SLIT3: variants seen among roughly 807,000 people sequenced by gnomAD.
The protein encoded by SLIT3 is slit homolog 3 protein.
In SLIT3, 68 loss-of-function variants were observed where a neutral mutation model predicts 184.0. The observed-to-expected ratio is 0.37, with a 90% CI of 0.30 to 0.45. The LOEUF is 0.45. Among genes scored for constraint, SLIT3 ranks in the 20% least tolerant of loss-of-function variants. The pLI, the probability that SLIT3 is intolerant of heterozygous loss-of-function variation, is 1.00. For synonymous variants in SLIT3, 831 were observed against 828.6 expected (o/e 1.00, Z -0.05); for missense variants, 1,707 against 2,026.0 (o/e 0.84, Z 3.02).
At chr5:168,701,518 G>A (rs1179724152) in intron 26 of SLIT3, among the ~76,000 whole-genome samples, 1 of 152,224 alleles carries the variant, frequency 6.6e-6, no homozygotes. Context: ...AAGGTGGGGA[G>A]AGGAGCGTGC....
At chr5:169,196,321 G>C (rs931663394) in intron 3 of SLIT3, among the ~76,000 whole-genome samples, 11 of 152,310 alleles carry the variant, frequency 7.2e-5, no homozygotes, top group African/African-American at 1.9e-4. Flanking sequence ...CTGGGCACAG[G>C]TCTGGCTATA....
At position 169,241,758 on chromosome 5, in the gene SLIT3, C is replaced by T. The variant is rs1765410615; in HGVS notation, c.341+2947G>A. Among the ~76,000 whole-genome samples, 2 of 152,074 alleles carry T rather than the reference C, an allele frequency of 1.3e-5. 1 individual carries two copies. The highest frequency in any genetic ancestry group is 4.1e-4 in the South Asian group (2 of 4,826). On this transcript the variant is annotated intron_variant, in intron 3 of 35. Coordinates refer to ENST00000519560, the MANE Select transcript of SLIT3 (RefSeq NM_003062.4). ...AAAACAGGGAATTAAAATATGGTGT[C>T]ATAAGTGGTGTGATAGGAAGACACC...
At chr5:169,185,969 T>C (rs1392654775) in intron 4 of SLIT3, among the ~76,000 whole-genome samples, 3 of 152,276 alleles carry the variant, frequency 2.0e-5, no homozygotes, top group African/African-American at 7.2e-5. Flanking sequence ...TGTTTCTGTA[T>C]CTCTAAAATG....
intron 20 of SLIT3, among the ~76,000 whole-genome samples, chr5:168,740,651 C>T (rs1318946945): frequency 1.3e-5 from 2 of 152,162 alleles, no homozygotes; most frequent in Non-Finnish European, 2.9e-5. Flanking sequence ...CCCCAACCCT[C>T]CACCCCAGGA....
At chr5:169,046,136 C>G (rs899140894) in intron 4 of SLIT3, among the ~76,000 whole-genome samples, 2 of 152,124 alleles carry the variant, frequency 1.3e-5, no homozygotes, top group Non-Finnish European at 1.5e-5. Flanking sequence ...CCCTACCCCC[C>G]AAAAGGTGCC....
At chr5:168,829,280 C>T (rs1165216896) in intron 6 of SLIT3, among the ~76,000 whole-genome samples, 1 of 152,218 alleles carries the variant, frequency 6.6e-6, no homozygotes, top group Non-Finnish European at 1.5e-5. Flanking sequence ...GTAATTGGCT[C>T]TAATGCAACA....
At chr5:169,186,711 G>A (rs1246431252) in intron 4 of SLIT3, among the ~76,000 whole-genome samples, 6 of 152,138 alleles carry the variant, frequency 3.9e-5, no homozygotes, top group Admixed American at 6.5e-5. Context: ...ATGTATACGC[G>A]ACACCTGTGA....
chr5:169,121,619 C>A (rs186941521), intron 4 of SLIT3, among the ~76,000 whole-genome samples: 7 of 152,284 alleles, frequency 4.6e-5, no homozygotes, highest in Non-Finnish European at 8.8e-5. Context: ...TGAAAACAAT[C>A]TCATCATTAA....
At chr5:169,130,953 G>A (rs76561131) in intron 4 of SLIT3, among the ~76,000 whole-genome samples, 2,177 of 152,156 alleles carry the variant, frequency 0.014, 44 homozygotes, top group African/African-American at 0.049. Flanking sequence ...ATATAGATAC[G>A]TATTTAAGTG....
At chr5:168,676,841 C>T (rs1761426553) in intron 32 of SLIT3, among the ~76,000 whole-genome samples, 1 of 152,226 alleles carries the variant, frequency 6.6e-6, no homozygotes, top group Non-Finnish European at 1.5e-5. Context: ...TACAGACACA[C>T]ACACACAGAC....
At chr5:168,835,329 C>T (rs1038672011) in intron 6 of SLIT3, among the ~76,000 whole-genome samples, 8 of 152,118 alleles carry the variant, frequency 5.3e-5, no homozygotes, top group Non-Finnish European at 8.8e-5. Context: ...CATGGGCCAG[C>T]AGTTGGAGTC....
rs539325177 is a variant in SLIT3 at position 168,946,538 on chromosome 5, G to A, written c.414-63202C>T. ...CATAGTGTTCCCCAGCCTTGTTCAC[G>A]CAGCACAACAGTGACATCCAGGGGA... is the stretch of plus-strand genomic sequence containing the variant. On this transcript the variant is annotated intron_variant, in intron 4 of 35. Transcript: ENST00000519560. Among the ~76,000 whole-genome samples, 7 of 152,320 alleles carry A rather than the reference G, an allele frequency of 4.6e-5. No individual in the cohort carries two copies. The East Asian group carries it at 5.8e-4, about 13-fold the overall frequency.
At chr5:168,931,024 C>T (rs1002290517) in intron 4 of SLIT3, among the ~76,000 whole-genome samples, 1 of 152,176 alleles carries the variant, frequency 6.6e-6, no homozygotes, top group African/African-American at 2.4e-5. Context: ...TTCGTCTCCC[C>T]CTCTCCTGAT....
chr5:169,225,778 G>T, intron 3 of SLIT3, among the ~76,000 whole-genome samples: 1 of 152,178 alleles, frequency 6.6e-6, no homozygotes, highest in Non-Finnish European at 1.5e-5. Flanking sequence ...AGAGAGGGAG[G>T]CAGGGGCCAG....
At chr5:169,000,689 A>C (rs1275304061) in intron 4 of SLIT3, among the ~76,000 whole-genome samples, 2 of 152,222 alleles carry the variant, frequency 1.3e-5, no homozygotes, top group Non-Finnish European at 2.9e-5. Context: ...AAACTCACTG[A>C]AGAATGGTCA....
chr5:169,021,357 C>CTT (rs879856265), intron 4 of SLIT3, among the ~76,000 whole-genome samples: 1 of 151,046 alleles, frequency 6.6e-6, no homozygotes, highest in African/African-American at 2.4e-5. Flanking sequence ...ATTCTTTTTT[C>CTT]TTTTTTTTTG....
intron 4 of SLIT3, among the ~76,000 whole-genome samples, chr5:168,935,533 A>G (rs1433782730): frequency 1.3e-5 from 2 of 152,206 alleles, no homozygotes; most frequent in East Asian, 3.8e-4. Flanking sequence ...ATTATACCAT[A>G]GCACCTCAAT....
Position 168,873,352 on chromosome 5 carries a change from C to T in SLIT3, c.485+9913G>A, listed in dbSNP as rs550221263. 4.0e-5 allele frequency among the ~76,000 whole-genome samples: 6 copies of T among 151,816 alleles called. 1 individual carries two copies. Among genetic ancestry groups the T allele is most frequent in the African/African-American group, 9.7e-5 (4 of 41,396 alleles). The stretch of plus-strand genomic sequence containing the variant: ...AATTAAACAAGATAATACATATGGC[C>T]GGTATAGTGACTCACACTCGTAATC... On this transcript the variant is annotated intron_variant, in intron 5 of 35. Coordinates refer to ENST00000519560, the MANE Select transcript of SLIT3 (RefSeq NM_003062.4).
At chr5:169,159,347 AC>A (rs1265202623) in intron 4 of SLIT3, among the ~76,000 whole-genome samples, 1 of 152,176 alleles carries the variant, frequency 6.6e-6, no homozygotes, top group African/African-American at 2.4e-5. Flanking sequence ...AATGGCTTGA[AC>A]CCGGGAGGTA....
Sources: allele counts gnomAD v4.1 joint callset (sites outside exome capture counted in the v4.1 genomes callset), GRCh38; gene constraint gnomAD v4.1.1; transcripts MANE v1.5; gene names NCBI Gene and HGNC (gene_info 2026-07-23, HGNC 2026-07-21).